The following TSHZ1 variants were observed in gnomAD, a reference collection of about 807,000 sequenced individuals.
TSHZ1 encodes teashirt homolog 1.
TSHZ1 carries 12 observed loss-of-function variants against 67.1 expected under a neutral mutation model. That is an observed-to-expected ratio of 0.18 (90% CI 0.11 to 0.29). The LOEUF is 0.29. Ranked by LOEUF, TSHZ1 falls within the 10% of genes least tolerant of loss-of-function variation. The pLI, the probability that TSHZ1 is intolerant of heterozygous loss-of-function variation, is 1.00. For missense variants in TSHZ1, 1,305 were observed against 1,413.9 expected (o/e 0.92, Z 1.23); for synonymous variants, 632 against 622.4 (o/e 1.02, Z -0.23).
intron 1 of TSHZ1, among the ~76,000 whole-genome samples, chr18:75,225,695 C>A (rs574413108): frequency 2.0e-5 from 3 of 151,684 alleles, no homozygotes; most frequent in African/African-American, 7.3e-5. Flanking sequence ...TGGGCTCGCA[C>A]GCCATCCTGA....
At chr18:75,240,768 C>T (rs1363631792) in intron 1 of TSHZ1, among the ~76,000 whole-genome samples, 2 of 152,188 alleles carry the variant, frequency 1.3e-5, no homozygotes, top group African/African-American at 2.4e-5. Flanking sequence ...TTCCTCTTCT[C>T]CTGTACCATA....
At chr18:75,252,913 A>G (rs1238038364) in intron 1 of TSHZ1, among the ~76,000 whole-genome samples, 5 of 152,044 alleles carry the variant, frequency 3.3e-5, no homozygotes, top group African/African-American at 1.2e-4. Context: ...TTCAATGAAT[A>G]CTTTTTTCTG....
intron 1 of TSHZ1, among the ~76,000 whole-genome samples, chr18:75,224,999 T>C (rs2022904828): frequency 6.6e-6 from 1 of 152,222 alleles, no homozygotes; most frequent in Non-Finnish European, 1.5e-5. Flanking sequence ...TTTTTTTTCT[T>C]TCTTAGAAAA....
intron 1 of TSHZ1, among the ~76,000 whole-genome samples, chr18:75,260,984 G>C (rs1255779069): frequency 2.0e-5 from 3 of 152,068 alleles, no homozygotes; most frequent in Non-Finnish European, 4.4e-5. Context: ...TTTCCTGGCT[G>C]TGGATCTCGG....
intron 1 of TSHZ1, among the ~76,000 whole-genome samples, chr18:75,273,608 C>T (rs117719327): frequency 0.012 from 1,894 of 152,250 alleles, 32 homozygotes; most frequent in South Asian, 0.049. Flanking sequence ...GTTTTTCAGA[C>T]GGTGTATGTG....
In TSHZ1 at chr18:75,286,433, A is replaced by G. The variant is rs2023764767; in HGVS notation, c.1026A>G (p.Pro342=). ...AAGTGCCTCTGAAGGAGCCAGTGCC[A>G]GCCATCACCAAACTGGTCCCCTCCA... ...YQKVPLKEPV[P]AITKLVPSTK... is the part of the protein sequence containing the mutation. The change falls in exon 2 of 2, where the codon CCA becomes CCG. Residue 342 remains proline, a synonymous_variant. Transcript: ENST00000580243. The surrounding 1 kb of genome is among the most constrained non-coding windows in gnomAD (Gnocchi z 5.1). 1.2e-6 allele frequency: 2 copies of G among 1,614,090 alleles called. No individual in the cohort carries two copies. Among genetic ancestry groups the G allele is most frequent in the South Asian group, 1.1e-5 (1 of 91,094 alleles).
At chr18:75,273,643 C>T (rs1295173675) in intron 1 of TSHZ1, among the ~76,000 whole-genome samples, 6 of 152,180 alleles carry the variant, frequency 3.9e-5, no homozygotes, top group East Asian at 1.9e-4. Flanking sequence ...ACCGTCAGCT[C>T]ACACATTGTT....
rs888959093 is a variant in TSHZ1, at chr18:75,216,986, T to A, written c.40+5070T>A. Among the ~76,000 whole-genome samples, 9 of 152,374 alleles carry A rather than the reference T, an allele frequency of 5.9e-5. No individual in the cohort carries two copies. The East Asian group carries it at 1.5e-3, about 26-fold the overall frequency. ...AAGGTTAATTGTGCCCTGTGCCGCC[T>A]GATCATGTATAGTAAATGCTATCAA... is the stretch of plus-strand genomic sequence containing the variant. On this transcript the variant is annotated intron_variant, in intron 1 of 1. Coordinates refer to ENST00000580243, the MANE Select transcript of TSHZ1 (RefSeq NM_001308210.2).
At chr18:75,272,026 T>TATAAGTAATGGA (rs2023564588) in intron 1 of TSHZ1, among the ~76,000 whole-genome samples, 1 of 152,206 alleles carries the variant, frequency 6.6e-6, no homozygotes, top group Non-Finnish European at 1.5e-5. Context: ...TGGTAATTTG[T>TATAAGTAATGGA]ATAAGTAATG....
intron 1 of TSHZ1, among the ~76,000 whole-genome samples, chr18:75,213,381 C>T (rs1029547139): frequency 4.6e-5 from 7 of 152,174 alleles, no homozygotes; most frequent in African/African-American, 1.2e-4. Context: ...CCACTGGTAG[C>T]CCCCAAATAA....
At chr18:75,264,070 T>C (rs1322813713) in intron 1 of TSHZ1, among the ~76,000 whole-genome samples, 1 of 152,242 alleles carries the variant, frequency 6.6e-6, no homozygotes, top group African/African-American at 2.4e-5. Flanking sequence ...TTCTCTTTGC[T>C]ATAAATGCAG....
intron 1 of TSHZ1, among the ~76,000 whole-genome samples, chr18:75,257,916 C>G (rs1313132380): frequency 6.6e-6 from 1 of 152,158 alleles, no homozygotes; most frequent in African/African-American, 2.4e-5. Context: ...GAGGGCTGCA[C>G]GCTTAGAACC....
At chr18:75,276,974 C>G (rs1456310751) in intron 1 of TSHZ1, among the ~76,000 whole-genome samples, 1 of 152,228 alleles carries the variant, frequency 6.6e-6, no homozygotes, top group Non-Finnish European at 1.5e-5. Context: ...TCCACCACCT[C>G]CTCCGTCAGG....
At chr18:75,246,817 T>A (rs1036007382) in intron 1 of TSHZ1, among the ~76,000 whole-genome samples, 5 of 152,270 alleles carry the variant, frequency 3.3e-5, no homozygotes, top group African/African-American at 1.2e-4. Context: ...CTCAAGAATT[T>A]AATGCTAGCA....
intron 1 of TSHZ1, among the ~76,000 whole-genome samples, chr18:75,268,520 C>T (rs2023519017): frequency 6.6e-6 from 1 of 152,174 alleles, no homozygotes; most frequent in Admixed American, 6.5e-5. Context: ...CTGCCAGTTT[C>T]CCATTAAACT....
chr18:75,265,222 A>G (rs946610095), intron 1 of TSHZ1, among the ~76,000 whole-genome samples: 3 of 152,214 alleles, frequency 2.0e-5, no homozygotes, highest in Non-Finnish European at 4.4e-5. Flanking sequence ...TTTGAGTGGA[A>G]TGTTTTCTTG....
rs918355356 is a variant in TSHZ1, at chr18:75,281,784, A to G, written c.41-3664A>G. On this transcript the variant is annotated intron_variant, in intron 1 of 1. Coordinates refer to ENST00000580243, the MANE Select transcript of TSHZ1 (RefSeq NM_001308210.2). This position sits in a 1 kb window ranked among gnomAD's most constrained non-coding sequence, Gnocchi z 5.3. ...TGGGTGCAACCGGGTGGGGAGTGAGAAGTTGCCTCCAGATGGCATCTGGAA... is the reference window on the plus strand; with the variant it reads ...TGGGTGCAACCGGGTGGGGAGTGAGGAGTTGCCTCCAGATGGCATCTGGAA... Among the ~76,000 whole-genome samples, 6 of 151,900 alleles carry G rather than the reference A, an allele frequency of 3.9e-5. No individual in the cohort carries two copies. The highest frequency in any genetic ancestry group is 1.5e-4 in the African/African-American group (6 of 41,328).
In TSHZ1 at chr18:75,257,951, G is replaced by A. The variant is rs77426249; in HGVS notation, c.41-27497G>A. ...CGGGGCTGCACACGGGGCTGTGGAC[G>A]TCACAGCCTCGTCATCAGAGGGGGC... On this transcript the variant is annotated intron_variant, in intron 1 of 1. Transcript: ENST00000580243. 5.1e-4 allele frequency among the ~76,000 whole-genome samples: 77 copies of A among 152,306 alleles called. No homozygotes were observed. The East Asian group carries it at 0.014, about 27-fold the overall frequency.
At chr18:75,249,334 C>T (rs1008493184) in intron 1 of TSHZ1, among the ~76,000 whole-genome samples, 1 of 152,124 alleles carries the variant, frequency 6.6e-6, no homozygotes, top group African/African-American at 2.4e-5. Context: ...GGCTCTGCAT[C>T]GCTCTCACCC....
Sources: allele counts gnomAD v4.1 joint callset (sites outside exome capture counted in the v4.1 genomes callset), GRCh38; gene constraint gnomAD v4.1.1; non-coding constraint Gnocchi (gnomAD v3.1); transcripts MANE v1.5; gene names NCBI Gene and HGNC (gene_info 2026-07-23, HGNC 2026-07-21).